The following WASHC3 variants were observed in gnomAD, a reference collection of about 807,000 sequenced individuals.
WASHC3 encodes WASH complex subunit CCDC53.
WASHC3 carries 24 observed loss-of-function variants against 26.1 expected under a neutral mutation model. The ratio of observed to expected loss-of-function variants is 0.92; its 90% CI spans 0.66 to 1.29. The LOEUF is 1.29. WASHC3 is among the 50% of genes most tolerant of loss of function. The pLI is 0.00. For synonymous variants in WASHC3, 77 were observed against 75.7 expected, an observed-to-expected ratio of 1.02 and a Z score of -0.09; for missense variants, 214 against 229.6, an observed-to-expected ratio of 0.93 and a Z score of 0.44.
intron 6 of WASHC3, among the ~76,000 whole-genome samples, chr12:102,023,950 TC>T (rs2121342820): frequency 6.6e-6 from 1 of 152,246 alleles, no homozygotes; most frequent in Admixed American, 6.5e-5. Flanking sequence ...CCTGGGATCT[TC>T]CTCCGTGGTA....
intron 5 of WASHC3, among the ~76,000 whole-genome samples, chr12:102,029,884 A>G (rs749926498): frequency 3.9e-5 from 6 of 152,284 alleles, no homozygotes; most frequent in South Asian, 2.1e-4. Flanking sequence ...AAAAAACGCT[A>G]CGGGTTGTTA....
chr12:102,035,302 A>G (rs1877608801), intron 5 of WASHC3, among the ~76,000 whole-genome samples: 1 of 152,178 alleles, frequency 6.6e-6, no homozygotes, highest in Admixed American at 6.5e-5. Flanking sequence ...TTTGAACACA[A>G]AGGCCAAAAT....
chr12:102,039,380 C>G (rs1877841093), intron 5 of WASHC3, among the ~76,000 whole-genome samples: 1 of 152,006 alleles, frequency 6.6e-6, no homozygotes, highest in African/African-American at 2.4e-5. Context: ...TCACAGACAA[C>G]TGCAGATATT....
At chr12:102,028,743 G>A (rs1417120273) in intron 5 of WASHC3, among the ~76,000 whole-genome samples, 3 of 150,902 alleles carry the variant, frequency 2.0e-5, no homozygotes, top group Non-Finnish European at 4.4e-5. Flanking sequence ...TCATGGAATT[G>A]ATTATAAGAA....
At chr12:102,025,585 T>C (rs146716740) in intron 6 of WASHC3, among the ~76,000 whole-genome samples, 108 of 148,920 alleles carry the variant, frequency 7.3e-4, no homozygotes, top group African/African-American at 2.6e-3. Context: ...CATGAAATCA[T>C]CTACCCCCTG....
At chr12:102,049,761 C>G (rs1878313883) in intron 2 of WASHC3, among the ~76,000 whole-genome samples, 1 of 152,090 alleles carries the variant, frequency 6.6e-6, no homozygotes, top group African/African-American at 2.4e-5. Flanking sequence ...GAAAAGGAAG[C>G]AATGAATGGT....
intron 2 of WASHC3, among the ~76,000 whole-genome samples, chr12:102,047,142 T>C (rs929739774): frequency 5.3e-5 from 8 of 152,184 alleles, no homozygotes; most frequent in African/African-American, 1.9e-4. Flanking sequence ...ACCATTCAAG[T>C]AAAGAACATT....
intron 5 of WASHC3, among the ~76,000 whole-genome samples, chr12:102,035,038 G>A (rs1338052108): frequency 6.6e-6 from 1 of 151,980 alleles, no homozygotes; most frequent in East Asian, 1.9e-4. Context: ...GCTAAAAGAA[G>A]GCAGAAATTT....
intron 2 of WASHC3, among the ~76,000 whole-genome samples, chr12:102,053,110 G>A (rs937410263): frequency 6.6e-6 from 1 of 151,334 alleles, no homozygotes. Context: ...GCTAGTCACA[G>A]TACAACCAGG....
chr12:102,053,159 C>T (rs1336788821), intron 2 of WASHC3, among the ~76,000 whole-genome samples: 1 of 152,048 alleles, frequency 6.6e-6, no homozygotes, highest in Non-Finnish European at 1.5e-5. Context: ...TCCAGGTCCA[C>T]CCCAGGGGTT....
intron 5 of WASHC3, among the ~76,000 whole-genome samples, chr12:102,026,572 G>A (rs1257338001): frequency 1.3e-5 from 2 of 152,050 alleles, no homozygotes; most frequent in Non-Finnish European, 2.9e-5. Context: ...CCCAACACTG[G>A]TACAAACACT....
At chr12:102,052,274 C>CG (rs1024928474) in intron 2 of WASHC3, among the ~76,000 whole-genome samples, 16 of 152,160 alleles carry the variant, frequency 1.1e-4, no homozygotes, top group Non-Finnish European at 2.1e-4. Context: ...TCCAGGTGGG[C>CG]GAAGGAGAGG....
In WASHC3 at chr12:102,046,061, T is replaced by A. The variant is rs746753945; in HGVS notation, c.209A>T (p.Asp70Val). ...QQIETTLNILDAKLSSIPGLD... is the reference protein window; with the variant it reads ...QQIETTLNILVAKLSSIPGLD... ...TTATTGAGAAATACCAACCTTTGCA[T>A]CTAAAATATTGAGAGTTGTTTCAAT... Residue 70 changes from aspartate to valine, a missense_variant, in exon 3 of 7, where the codon GAT becomes GTT. Transcript: ENST00000240079. 6.3e-7 allele frequency: 1 copy of A among 1,581,544 alleles called. No individual in the cohort carries two copies. The highest frequency in any genetic ancestry group is 8.6e-7 in the Non-Finnish European group (1 of 1,156,460).
intron 6 of WASHC3, among the ~76,000 whole-genome samples, chr12:102,013,868 T>C (rs749873545): frequency 2.0e-5 from 3 of 152,178 alleles, no homozygotes; most frequent in Non-Finnish European, 4.4e-5. Flanking sequence ...GGATGTGCTC[T>C]AATAAACCAA....
At chr12:102,039,784 T>C (rs1011389275) in intron 5 of WASHC3, 84 bp downstream of exon 5, 11 of 582,530 alleles carry the variant, frequency 1.9e-5, no homozygotes, top group African/African-American at 1.7e-4. Context: ...TTTTCTCAGA[T>C]TGAAAAAAAT....
intron 2 of WASHC3, among the ~76,000 whole-genome samples, chr12:102,054,450 G>A (rs1325861577): frequency 6.6e-6 from 1 of 152,210 alleles, no homozygotes; most frequent in African/African-American, 2.4e-5. Flanking sequence ...TGCCAAGGCG[G>A]GAGGATCCCC....
At chr12:102,053,870 T>A (rs976381581) in intron 2 of WASHC3, among the ~76,000 whole-genome samples, 1 of 151,460 alleles carries the variant, frequency 6.6e-6, no homozygotes, top group African/African-American at 2.5e-5. Context: ...CAGACAAAAC[T>A]ATTAAAAATA....
Position 102,049,662 on chromosome 12 carries a change from A to G in WASHC3, c.151-3543T>C, listed in dbSNP as rs551774555. On this transcript the variant is annotated intron_variant, in intron 2 of 6. Coordinates refer to ENST00000240079, the MANE Select transcript of WASHC3 (RefSeq NM_016053.4). ...TTCATGGTTGTAAAATATCTTGTTT[A>G]TATATCCATTTCTCTAAAAGAGAAA... is the stretch of plus-strand genomic sequence containing the variant. 1.8e-4 allele frequency among the ~76,000 whole-genome samples: 27 copies of G among 152,370 alleles called. No homozygotes were observed. The South Asian group carries it at 5.2e-3, about 29-fold the overall frequency.
intron 5 of WASHC3, among the ~76,000 whole-genome samples, chr12:102,034,544 CT>C (rs1877570706): frequency 3.3e-5 from 5 of 152,220 alleles, no homozygotes; most frequent in African/African-American, 1.2e-4. Flanking sequence ...AATGACTGTA[CT>C]CTTGGAAAAG....
Sources: allele counts gnomAD v4.1 joint callset (sites outside exome capture counted in the v4.1 genomes callset), GRCh38; gene constraint gnomAD v4.1.1; transcripts MANE v1.5; gene names NCBI Gene and HGNC (gene_info 2026-07-23, HGNC 2026-07-21).